Variants in PRMT3 observed in about 807,000 individuals in gnomAD.
PRMT3 encodes the protein protein arginine methyltransferase 3.
Under a neutral mutation model 71.9 loss-of-function variants are expected in PRMT3, and 62 were observed. The observed-to-expected ratio is 0.86, with a 90% CI of 0.70 to 1.07. PRMT3 has a LOEUF of 1.07. PRMT3 is among the 50% of genes least tolerant of loss of function. The pLI, the probability that PRMT3 is intolerant of heterozygous loss-of-function variation, is 0.00. For synonymous variants in PRMT3, 213 were observed against 220.4 expected (o/e 0.97, Z 0.30); for missense variants, 663 against 643.0 (o/e 1.03, Z -0.34).
intron 9 of PRMT3, among the ~76,000 whole-genome samples, chr11:20,418,306 A>T (rs561742399): frequency 1.3e-5 from 2 of 152,200 alleles, no homozygotes; most frequent in Non-Finnish European, 2.9e-5. Flanking sequence ...GCCACTTGAG[A>T]AAACTAAGTA....
rs1239695213 is a variant in PRMT3 at position 20,388,071 on chromosome 11, C to A, written c.81C>A (p.Ser27Arg). 2.5e-6 allele frequency: 4 copies of A among 1,614,044 alleles called. No homozygotes were observed. In the East Asian group the frequency reaches 8.9e-5, roughly 36 times the overall value. The change falls in exon 2 of 16, where the codon AGC becomes AGA. Residue 27 changes from serine (S) to arginine (R), a missense_variant. Coordinates refer to ENST00000331079, the MANE Select transcript of PRMT3 (RefSeq NM_005788.4). ...AGGACCTGCCAGAACTGTCGGACAGCGGGGACGAGGCCGCCTGGGAGGATG... is the reference window on the plus strand; with the variant it reads ...AGGACCTGCCAGAACTGTCGGACAGAGGGGACGAGGCCGCCTGGGAGGATG... Reference protein sequence around the residue: ...NEEDLPELSDSGDEAAWEDED... With the variant: ...NEEDLPELSDRGDEAAWEDED...
At chr11:20,439,190 A>G (rs750907504) in intron 10 of PRMT3, among the ~76,000 whole-genome samples, 10 of 152,166 alleles carry the variant, frequency 6.6e-5, no homozygotes, top group Non-Finnish European at 1.5e-4. Context: ...GACCCCAGGC[A>G]GCTCCTTCAG....
intron 15 of PRMT3, among the ~76,000 whole-genome samples, chr11:20,505,873 A>G (rs1029408053): frequency 4.0e-5 from 6 of 151,788 alleles, no homozygotes; most frequent in Non-Finnish European, 8.8e-5. Context: ...ACCAAAAAAA[A>G]AAAACAAAAC....
At chr11:20,419,554 A>G (rs185610716) in intron 9 of PRMT3, among the ~76,000 whole-genome samples, 87 of 152,302 alleles carry the variant, frequency 5.7e-4, no homozygotes, top group Non-Finnish European at 9.7e-4. Flanking sequence ...TGAGTAAGGA[A>G]TCTGTACCTT....
chr11:20,451,897 AG>A (rs1348255857), intron 10 of PRMT3, among the ~76,000 whole-genome samples: 1 of 152,214 alleles, frequency 6.6e-6, no homozygotes, highest in Non-Finnish European at 1.5e-5. Context: ...TCATAGATAA[AG>A]AAAATGCAGT....
intron 15 of PRMT3, among the ~76,000 whole-genome samples, chr11:20,501,775 T>C (rs964484574): frequency 6.6e-6 from 1 of 152,208 alleles, no homozygotes; most frequent in Admixed American, 6.5e-5. Flanking sequence ...TGTACAGTTT[T>C]ATTGTACAAA....
At chr11:20,508,223 G>A in intron 15 of PRMT3, 81 bp from the exon 16 acceptor site, 103 of 559,724 alleles carry the variant, frequency 1.8e-4, no homozygotes, top group South Asian at 6.2e-4. Context: ...ACAATAAAAA[G>A]AAGTGCTAGT....
chr11:20,437,934 G>T (rs1490748038), intron 10 of PRMT3, among the ~76,000 whole-genome samples: 1 of 152,134 alleles, frequency 6.6e-6, no homozygotes, highest in African/African-American at 2.4e-5. Flanking sequence ...CAGTTTGGGA[G>T]ATCCTCATGT....
At position 20,393,011 on chromosome 11, in the gene PRMT3, A is replaced by G; in HGVS notation, c.400+12A>G. On this transcript the variant is annotated intron_variant, in intron 5 of 15. Coordinates refer to ENST00000331079, the MANE Select transcript of PRMT3 (RefSeq NM_005788.4). Reference sequence around the variant, plus strand: ...TTTACTTCAATTTGGTAAGATGAACATAAGTGTATCTCCTTTAATTAACAT... The same window carrying G: ...TTTACTTCAATTTGGTAAGATGAACGTAAGTGTATCTCCTTTAATTAACAT... 6.6e-7 allele frequency: 1 copy of G among 1,507,966 alleles called. No homozygotes were observed. Among genetic ancestry groups the G allele is most frequent in the Non-Finnish European group, 9.2e-7 (1 of 1,084,126 alleles). 93.4% of individuals were successfully genotyped at this position (1,507,966 alleles called of 1,614,324 possible). A position where few individuals can be genotyped will look rare whatever the true frequency, so the allele number is the denominator to read the frequency against.
chr11:20,402,699 G>T (rs1346711640), intron 7 of PRMT3, among the ~76,000 whole-genome samples: 2 of 151,870 alleles, frequency 1.3e-5, no homozygotes, highest in South Asian at 4.2e-4. Context: ...TAAGAACTTG[G>T]GTCTTATTTG....
intron 9 of PRMT3, among the ~76,000 whole-genome samples, chr11:20,418,887 A>C (rs1849366681): frequency 6.6e-6 from 1 of 152,238 alleles, no homozygotes; most frequent in African/African-American, 2.4e-5. Context: ...GAAATTAAAC[A>C]TGTAGTAACC....
At chr11:20,426,934 A>C (rs912983207) in intron 10 of PRMT3, 69 bp downstream of exon 10, 1 of 1,443,570 alleles carries the variant, frequency 6.9e-7, no homozygotes, top group African/African-American at 1.5e-5. Flanking sequence ...AATAGTTTTC[A>C]TGAATTTAAT....
At chr11:20,474,652 A>C (rs977844724) in intron 13 of PRMT3, among the ~76,000 whole-genome samples, 8 of 152,220 alleles carry the variant, frequency 5.3e-5, no homozygotes, top group South Asian at 2.1e-4. Context: ...GGATCGCACA[A>C]TCACTCACTG....
chr11:20,445,603 T>C (rs1850008296), intron 10 of PRMT3, among the ~76,000 whole-genome samples: 1 of 152,100 alleles, frequency 6.6e-6, no homozygotes, highest in Admixed American at 6.6e-5. Context: ...AATAGTTATA[T>C]AATGAACACC....
chr11:20,413,789 G>A (rs1849244937), intron 9 of PRMT3, among the ~76,000 whole-genome samples: 2 of 152,052 alleles, frequency 1.3e-5, no homozygotes, highest in African/African-American at 4.8e-5. Context: ...CTTCAACTCT[G>A]TTCTTAACTT....
intron 9 of PRMT3, among the ~76,000 whole-genome samples, chr11:20,420,723 T>C (rs1000855121): frequency 6.6e-6 from 1 of 152,186 alleles, no homozygotes; most frequent in African/African-American, 2.4e-5. Flanking sequence ...TGGGGACTGC[T>C]GATAACAGAA....
At chr11:20,389,653 TAAA>T (rs56308542) in intron 2 of PRMT3, 88 bp from the exon 3 acceptor site, 22,336 of 637,188 alleles carry the variant, frequency 0.035, 14 homozygotes, top group Non-Finnish European at 0.042. Flanking sequence ...CCAGCAGAGT[TAAA>T]AAAAAAAAAA....
At chr11:20,492,755 T>C (rs1199830282) in intron 13 of PRMT3, among the ~76,000 whole-genome samples, 1 of 152,210 alleles carries the variant, frequency 6.6e-6, no homozygotes, top group Non-Finnish European at 1.5e-5. Flanking sequence ...AGTATGTTAA[T>C]TTCTTTAAGA....
rs745769102 is a variant in PRMT3, at chr11:20,493,970, G to C, written c.1398+1G>C. 1 of 1,583,016 alleles carries C rather than the reference G, an allele frequency of 6.3e-7. No individual in the cohort carries two copies. Among genetic ancestry groups the C allele is most frequent in the Admixed American group, 1.7e-5 (1 of 58,428 alleles). On this transcript the variant is annotated splice_donor_variant, in intron 14 of 15. Coordinates refer to ENST00000331079, the MANE Select transcript of PRMT3 (RefSeq NM_005788.4). LOFTEE classifies it high-confidence loss of function. ...TTTTGAGAAGAATTGCCACAACAGG[G>C]TAAGTATCATGAATTATCTCATAAG... is the stretch of plus-strand genomic sequence containing the variant.
Sources: gnomAD v4.1 joint callset for allele counts (sites outside exome capture counted in the v4.1 genomes callset) on GRCh38, gnomAD v4.1.1 for gene constraint, MANE v1.5 for transcripts, NCBI Gene and HGNC (gene_info 2026-07-23, HGNC 2026-07-21) for gene names.